Variants in CCDC178 observed in about 807,000 individuals in gnomAD.
The protein encoded by CCDC178 is coiled-coil domain-containing protein 178.
In CCDC178, 126 loss-of-function variants were observed where a neutral mutation model predicts 117.4. The ratio of observed to expected loss-of-function variants is 1.07; its 90% CI spans 0.93 to 1.24. The LOEUF is 1.24. Among genes scored for constraint, CCDC178 ranks in the 50% most tolerant of loss-of-function variants. The pLI is 0.00. For missense variants in CCDC178, 1,030 were observed against 986.9 expected (o/e 1.04, Z -0.59); for synonymous variants, 283 against 313.4 (o/e 0.90, Z 1.02).
At chr18:33,425,948 T>C (rs1316937047) in intron 2 of CCDC178, among the ~76,000 whole-genome samples, 3 of 152,232 alleles carry the variant, frequency 2.0e-5, no homozygotes, top group African/African-American at 7.2e-5. Flanking sequence ...TCATCTCATC[T>C]CTGTAGACAC....
intron 21 of CCDC178, among the ~76,000 whole-genome samples, chr18:33,086,865 C>T (rs986443667): frequency 1.3e-5 from 2 of 151,820 alleles, no homozygotes; most frequent in African/African-American, 4.8e-5. Context: ...TAGCAACATC[C>T]TTATTCTTGG....
intron 16 of CCDC178, among the ~76,000 whole-genome samples, chr18:33,225,690 C>G (rs2059294920): frequency 2.6e-5 from 4 of 152,148 alleles, no homozygotes; most frequent in South Asian, 2.1e-4. Flanking sequence ...ACAGGTCTTT[C>G]CAGTTAGACA....
At chr18:33,040,008 GA>G (rs1213586480) in intron 21 of CCDC178, among the ~76,000 whole-genome samples, 4 of 151,152 alleles carry the variant, frequency 2.6e-5, no homozygotes, top group East Asian at 3.9e-4. Context: ...ATTACCATAA[GA>G]AAAAAAATAC....
intron 3 of CCDC178, among the ~76,000 whole-genome samples, chr18:33,403,406 GAGA>G (rs765436429): frequency 6.6e-6 from 1 of 151,502 alleles, no homozygotes; most frequent in Non-Finnish European, 1.5e-5. Context: ...GCAAACCCTA[GAGA>G]AGAAGAACAA....
intron 2 of CCDC178, among the ~76,000 whole-genome samples, chr18:33,423,412 G>A (rs894310466): frequency 6.6e-6 from 1 of 152,060 alleles, no homozygotes; most frequent in Non-Finnish European, 1.5e-5. Context: ...ACGTTTTTAG[G>A]TGTATTCATG....
intron 6 of CCDC178, among the ~76,000 whole-genome samples, chr18:33,363,132 AC>A (rs1222510921): frequency 2.0e-5 from 3 of 152,024 alleles, no homozygotes; most frequent in Non-Finnish European, 4.4e-5. Context: ...TTTAAAAAAA[AC>A]AAATTAGAGG....
chr18:32,958,054 T>C (rs1568180874), intron 22 of CCDC178: 7 of 337,758 alleles, frequency 2.1e-5, no homozygotes, highest in South Asian at 9.3e-5. Flanking sequence ...GGTTACATGA[T>C]TGAACTACTG....
intron 18 of CCDC178, among the ~76,000 whole-genome samples, chr18:33,218,691 C>T (rs1362241249): frequency 6.6e-6 from 1 of 152,082 alleles, no homozygotes; most frequent in East Asian, 1.9e-4. Context: ...TTTCCCAGTA[C>T]CATTTACTAA....
chr18:33,037,247 G>T (rs2056461708), intron 21 of CCDC178, among the ~76,000 whole-genome samples: 1 of 151,858 alleles, frequency 6.6e-6, no homozygotes, highest in Non-Finnish European at 1.5e-5. Context: ...ATTTTTAAAT[G>T]AGACAAATAG....
At chr18:33,201,402 A>C (rs1818831598) in intron 20 of CCDC178, among the ~76,000 whole-genome samples, 1 of 151,930 alleles carries the variant, frequency 6.6e-6, no homozygotes, top group Admixed American at 6.6e-5. Context: ...GACTGATGCC[A>C]CTCTTTTTAT....
intron 11 of CCDC178, 51 bp downstream of exon 11, chr18:33,323,440 T>G (rs1215350135): frequency 2.8e-5 from 34 of 1,211,228 alleles, no homozygotes; most frequent in Non-Finnish European, 3.5e-5. Flanking sequence ...ACATTTTTAC[T>G]TAACATTTAA....
At chr18:33,343,435 G>T (rs74332296) in intron 9 of CCDC178, among the ~76,000 whole-genome samples, 1 of 152,154 alleles carries the variant, frequency 6.6e-6, no homozygotes, top group Non-Finnish European at 1.5e-5. Flanking sequence ...TTGGCTACAC[G>T]TTGGATGGCA....
At chr18:33,020,984 A>G (rs1315366648) in intron 21 of CCDC178, among the ~76,000 whole-genome samples, 1 of 152,210 alleles carries the variant, frequency 6.6e-6, no homozygotes, top group African/African-American at 2.4e-5. Context: ...CAGAAAAACA[A>G]TCAGTGGGAG....
At chr18:33,150,456 T>C (rs932259850) in intron 20 of CCDC178, among the ~76,000 whole-genome samples, 3 of 152,072 alleles carry the variant, frequency 2.0e-5, no homozygotes, top group Non-Finnish European at 4.4e-5. Flanking sequence ...GACAATCTTG[T>C]GGGAGAAAAT....
intron 21 of CCDC178, among the ~76,000 whole-genome samples, chr18:33,076,767 C>G (rs532443165): frequency 3.3e-5 from 5 of 152,304 alleles, no homozygotes; most frequent in Admixed American, 1.3e-4. Flanking sequence ...CAGTATCTCT[C>G]TCATCAAATT....
chr18:33,187,600 G>A (rs2058812376), intron 20 of CCDC178, among the ~76,000 whole-genome samples: 1 of 152,024 alleles, frequency 6.6e-6, no homozygotes, highest in Non-Finnish European at 1.5e-5. Flanking sequence ...ATGTCAAAAT[G>A]TTAAAAATTT....
intron 14 of CCDC178, among the ~76,000 whole-genome samples, chr18:33,265,568 G>A (rs1161847896): frequency 1.3e-5 from 2 of 151,892 alleles, no homozygotes; most frequent in East Asian, 1.9e-4. Context: ...GCTGGAAAAA[G>A]TGATAAGTGG....
chr18:32,949,269 A>G (rs530650529), intron 22 of CCDC178, among the ~76,000 whole-genome samples: 39 of 151,922 alleles, frequency 2.6e-4, no homozygotes, highest in African/African-American at 4.8e-4. Context: ...AGATTTCTCT[A>G]TTTCTTTGTT....
chr18:33,148,483 A>G lies in CCDC178; in HGVS notation c.2239-55573T>C, dbSNP rs74507558. On this transcript the variant is annotated intron_variant, in intron 20 of 22. Coordinates refer to ENST00000383096, the MANE Select transcript of CCDC178 (RefSeq NM_001105528.4). ...GGAGACCGTGGGGAGAGGGGGAGGG[A>G]GAGGGAGAGGGAGAGCTCTGGTAGC... Among the ~76,000 whole-genome samples, 27 of 151,192 alleles carry G rather than the reference A, an allele frequency of 1.8e-4. No homozygotes were observed. The East Asian group carries it at 3.2e-3, about 18-fold the overall frequency.
Sources: allele counts gnomAD v4.1 joint callset (sites outside exome capture counted in the v4.1 genomes callset), GRCh38; gene constraint gnomAD v4.1.1; transcripts MANE v1.5; gene names NCBI Gene and HGNC (gene_info 2026-07-23, HGNC 2026-07-21).